CD320: variants seen among roughly 807,000 people sequenced by gnomAD.
CD320 encodes the protein CD320 molecule.
CD320 carries 16 observed loss-of-function variants against 22.1 expected under a neutral mutation model. The ratio of observed to expected loss-of-function variants is 0.73; its 90% confidence interval spans 0.49 to 1.10. The LOEUF is 1.10. Among genes scored for constraint, CD320 ranks in the 50% least tolerant of loss-of-function variants. The pLI, the probability that CD320 is intolerant of heterozygous loss-of-function variation, is 0.00. For synonymous variants in CD320, 188 were observed against 167.8 expected (o/e 1.12, Z -0.93); for missense variants, 388 against 376.9 (o/e 1.03, Z -0.24).
chr19:8,303,684 G>A (rs1237282536), intron 3 of CD320, among the ~76,000 whole-genome samples, 171 bp downstream of exon 3: 1 of 152,064 alleles, frequency 6.6e-6, no homozygotes, highest in African/African-American at 2.4e-5. Flanking sequence ...CAAAGTGCTG[G>A]GATTACAGGC....
Position 8,308,300 on chromosome 19 carries a change from A to C in CD320, c.-10T>G. ...TCCAACCGCCGCTCATGCTGTCCCC[A>C]CAGCGGCGCCGGCCACGCGCTGTCC... On this transcript the variant is annotated 5_prime_UTR_variant, in exon 1 of 5. Transcript: ENST00000301458. 1 of 1,585,700 alleles carries C rather than the reference A, an allele frequency of 6.3e-7. No homozygotes were observed. Among genetic ancestry groups the C allele is most frequent in the Non-Finnish European group, 8.5e-7 (1 of 1,173,152 alleles).
intron 1 of CD320, among the ~76,000 whole-genome samples, chr19:8,307,451 G>C (rs1970108174): frequency 6.6e-6 from 1 of 152,174 alleles, no homozygotes; most frequent in East Asian, 1.9e-4. Context: ...GAAAGTGTGT[G>C]AGCCTGAGCC....
chr19:8,305,070 C>T lies in CD320; in HGVS notation c.229G>A (p.Asp77Asn). 6.2e-7 allele frequency: 1 copy of T among 1,612,174 alleles called. No individual in the cohort carries two copies. Among genetic ancestry groups the T allele is most frequent in the Non-Finnish European group, 8.5e-7 (1 of 1,179,946 alleles). Residue 77 changes from aspartate to asparagine, a missense_variant, in exon 2 of 5, where the codon GAC becomes AAC. By Grantham distance (23) the Asp-to-Asn change is conservative. Coordinates refer to ENST00000301458, the MANE Select transcript of CD320 (RefSeq NM_016579.4). ...CVPLTWRCDR[D>N]LDCSDGSDEE... Reference sequence around the variant, plus strand: ...TCGCTGCCATCGCTGCAGTCCAAGTCCCTGTCGCAGCGCCAGGTGAGGGGC... The same window carrying T: ...TCGCTGCCATCGCTGCAGTCCAAGTTCCTGTCGCAGCGCCAGGTGAGGGGC...
chr19:8,304,565 A>T (rs1239113536), intron 2 of CD320, among the ~76,000 whole-genome samples: 1 of 152,062 alleles, frequency 6.6e-6, no homozygotes, highest in African/African-American at 2.4e-5. Context: ...CTGGTCTCGA[A>T]CGCCTGACCT....
intron 1 of CD320, among the ~76,000 whole-genome samples, chr19:8,306,268 G>A (rs1830602330): frequency 6.6e-6 from 1 of 152,160 alleles, no homozygotes; most frequent in Non-Finnish European, 1.5e-5. Flanking sequence ...GGTCATGCCT[G>A]TCCACCCACA....
intron 1 of CD320, 167 bp from the exon 2 acceptor site, chr19:8,305,323 GTGTAGCAGTTCC>G: frequency 3.9e-6 from 3 of 762,466 alleles, no homozygotes; most frequent in Non-Finnish European, 6.3e-6. Flanking sequence ...GGGGTTCAGA[GTGTAGCAGTTCC>G]TGGGCTCAAG....
At chr19:8,303,477 A>C (rs765617125) in intron 3 of CD320, among the ~76,000 whole-genome samples, 3 of 150,498 alleles carry the variant, frequency 2.0e-5, no homozygotes, top group Middle Eastern at 6.9e-3. Context: ...CAGTGGCCCA[A>C]TCTCAGCTCA....
At chr19:8,303,117 T>A in intron 3 of CD320, 137 bp from the exon 4 acceptor site, 1 of 361,348 alleles carries the variant, frequency 2.8e-6, no homozygotes, top group Non-Finnish European at 4.9e-6. Flanking sequence ...ATTATGTCTT[T>A]TTTTTTTTTT....
In CD320 at chr19:8,303,951, C is replaced by G; in HGVS notation, c.406G>C (p.Glu136Gln). Residue 136 changes from glutamate to glutamine, a missense_variant, in exon 3 of 5, where the codon GAG (glutamate) becomes CAG (glutamine). Transcript: ENST00000301458. ...NCSRLACLAG[E>Q]LRCTLSDDCI... ...TCATCGCTCAGCGTGCAACGGAGCT[C>G]GCCTGCTAGGCAGGCCAGGCGGCTG... is the stretch of plus-strand genomic sequence containing the variant. The G allele has an allele frequency of 6.3e-7, 1 of 1,591,272 alleles. No homozygotes were observed.
rs759992081 is a variant in CD320, at chr19:8,302,880, G to A, written c.603C>T (p.Pro201=). Residue 201 remains proline, a synonymous_variant, in exon 4 of 5, where the codon CCC becomes CCT. Coordinates refer to ENST00000301458, the MANE Select transcript of CD320 (RefSeq NM_016579.4). ...AGGGGACACTCTCCAGGGTCACAGG[G>A]GGCCCCATGGTTGTGGCATTCCTGA... ...TSLRNATTMG[P]PVTLESVPSV... 15 of 1,613,956 alleles carry A rather than the reference G, an allele frequency of 9.3e-6. No homozygotes were observed. Among genetic ancestry groups the A allele is most frequent in the Non-Finnish European group, 1.2e-5 (14 of 1,179,972 alleles).
rs1970051357 is a variant in CD320 at position 8,304,049 on chromosome 19, G to C, written c.308C>G (p.Pro103Arg). ...PCTQKGQCPP[P>R]PGLPCPCTGV... ...GGTGCAGGGGCAGGGGAGGCCAGGGGGCGGTGGGCATTGCCCTTTCTGGGT... is the reference window on the plus strand; with the variant it reads ...GGTGCAGGGGCAGGGGAGGCCAGGGCGCGGTGGGCATTGCCCTTTCTGGGT... The change falls in exon 3 of 5, where the codon CCC becomes CGC. Residue 103 changes from proline (P) to arginine (R), a missense_variant. Pro to Arg is a moderately radical substitution (Grantham distance 103). Transcript: ENST00000301458. 1 of 1,556,252 alleles carries C rather than the reference G, an allele frequency of 6.4e-7. No homozygotes were observed. The highest frequency in any genetic ancestry group is 1.9e-5 in the Admixed American group (1 of 51,606).
In CD320 at chr19:8,308,329, C is replaced by G; in HGVS notation, c.-39G>C. On this transcript the variant is annotated 5_prime_UTR_variant, in exon 1 of 5. Coordinates refer to ENST00000301458, the MANE Select transcript of CD320 (RefSeq NM_016579.4). ...CGGCGCCGGCCACGCGCTGTCCAGA[C>G]CGCTCTCTTATCCCTGCGCACGCGC... The G allele has an allele frequency of 1.3e-6, 2 of 1,575,302 alleles. No homozygotes were observed. The highest frequency in any genetic ancestry group is 1.8e-5 in the Admixed American group (1 of 57,074).
Position 8,305,091 on chromosome 19 carries a change from G to A in CD320, c.208C>T (p.Leu70Phe). 4 of 1,613,030 alleles carry A rather than the reference G, an allele frequency of 2.5e-6. No homozygotes were observed. Among genetic ancestry groups the A allele is most frequent in the Non-Finnish European group, 3.4e-6 (4 of 1,179,900 alleles). Residue 70 changes from leucine (L) to phenylalanine (F), a missense_variant, in exon 2 of 5, where the codon CTC becomes TTC. By Grantham distance (22) the Leu-to-Phe change is conservative. Transcript: ENST00000301458. ...AAGTCCCTGTCGCAGCGCCAGGTGA[G>A]GGGCACGCATAAGCCACTGGTGCGG... ...QCRTSGLCVP[L>F]TWRCDRDLDC... is the part of the protein sequence containing the mutation.
rs538500401 is a variant in CD320, at chr19:8,307,245, T to G, written c.142+904A>C. Among the ~76,000 whole-genome samples the G allele has an allele frequency of 8.0e-5, 12 of 150,906 alleles. 2 individuals carry two copies. The highest frequency in any genetic ancestry group is 1.3e-4 in the Admixed American group (2 of 15,154). On this transcript the variant is annotated intron_variant, in intron 1 of 4. Coordinates refer to ENST00000301458, the MANE Select transcript of CD320 (RefSeq NM_016579.4). Reference sequence around the variant, plus strand: ...AGGCGGAGGGTGCAGTGAGCCAACATTGCACTGCACTCCAGCCAGGGCGAC... The same window carrying G: ...AGGCGGAGGGTGCAGTGAGCCAACAGTGCACTGCACTCCAGCCAGGGCGAC...
At position 8,308,305 on chromosome 19, in the gene CD320, G is replaced by C; in HGVS notation, c.-15C>G. 1.3e-6 allele frequency: 2 copies of C among 1,584,096 alleles called. No homozygotes were observed. Among genetic ancestry groups the C allele is most frequent in the Non-Finnish European group, 1.7e-6 (2 of 1,172,424 alleles). ...CCGCCGCTCATGCTGTCCCCACAGC[G>C]GCGCCGGCCACGCGCTGTCCAGACC... On this transcript the variant is annotated 5_prime_UTR_variant, in exon 1 of 5. Transcript: ENST00000301458.
chr19:8,305,569 G>A (rs917445660), intron 1 of CD320: 4 of 242,242 alleles, frequency 1.7e-5, no homozygotes, highest in African/African-American at 4.4e-5. Flanking sequence ...AGCCGGGCGT[G>A]GTAGTGCACG....
At chr19:8,304,923 C>T (rs7260456) in intron 2 of CD320, 108 bp downstream of exon 2, 1 of 1,366,528 alleles carries the variant, frequency 7.3e-7, no homozygotes, top group Non-Finnish European at 1.0e-6. Context: ...GCACCCATCC[C>T]TGCGGCCCTG....
intron 1 of CD320, among the ~76,000 whole-genome samples, chr19:8,306,795 C>G (rs942710138): frequency 6.6e-6 from 1 of 152,234 alleles, no homozygotes; most frequent in Non-Finnish European, 1.5e-5. Context: ...CAGGCGCAGA[C>G]TTCCACAGCC....
chr19:8,305,133 G>A lies in CD320; in HGVS notation c.166C>T (p.Pro56Ser), dbSNP rs1970070203. Reference sequence around the variant, plus strand: ...CTGGTGCGGCACTGGAACTTGGTGGGTGGGCACGAGCCTGAGCTGGGGCCT... The same window carrying A: ...CTGGTGCGGCACTGGAACTTGGTGGATGGGCACGAGCCTGAGCTGGGGCCT... Reference protein sequence around the residue: ...AAGPSSGSCPPTKFQCRTSGL... With the variant: ...AAGPSSGSCPSTKFQCRTSGL... Residue 56 changes from proline to serine, a missense_variant, in exon 2 of 5, where the codon CCC becomes TCC. Coordinates refer to ENST00000301458, the MANE Select transcript of CD320 (RefSeq NM_016579.4). The A allele has an allele frequency of 1.9e-6, 3 of 1,610,932 alleles. No homozygotes were observed. The highest frequency in any genetic ancestry group is 1.7e-6 in the Non-Finnish European group (2 of 1,178,850).
Sources: allele counts gnomAD v4.1 joint callset (sites outside exome capture counted in the v4.1 genomes callset), GRCh38; gene constraint gnomAD v4.1.1; transcripts MANE v1.5; gene names NCBI Gene and HGNC (gene_info 2026-07-23, HGNC 2026-07-21).